The following INSYN2B variants were observed in gnomAD, a reference collection of about 807,000 sequenced individuals.
INSYN2B encodes the protein protein INSYN2B.
In INSYN2B, 16 loss-of-function variants were observed where a neutral mutation model predicts 41.2. The ratio of observed to expected loss-of-function variants is 0.39; its 90% CI spans 0.26 to 0.59. INSYN2B has a LOEUF of 0.59. INSYN2B is among the 20% of genes least tolerant of loss of function. The pLI, the probability that INSYN2B is intolerant of heterozygous loss-of-function variation, is 0.57. For synonymous variants in INSYN2B, 245 were observed against 244.4 expected (o/e 1.00, Z -0.02); for missense variants, 608 against 646.4 (o/e 0.94, Z 0.64).
chr5:169,902,063 A>G (rs570574015), intron 1 of INSYN2B, among the ~76,000 whole-genome samples: 8 of 152,216 alleles, frequency 5.3e-5, no homozygotes, highest in Non-Finnish European at 1.2e-4. Context: ...CTGTGTGCCA[A>G]GGAAACCACA....
intron 1 of INSYN2B, among the ~76,000 whole-genome samples, chr5:169,962,347 C>A (rs1777124244): frequency 6.6e-6 from 1 of 151,998 alleles, no homozygotes; most frequent in Non-Finnish European, 1.5e-5. Context: ...TTGGATATGG[C>A]CAGTCAGAAA....
In INSYN2B at chr5:169,977,015, C is replaced by T. The variant is rs567463459; in HGVS notation, c.-919+3262G>A. On this transcript the variant is annotated intron_variant, in intron 1 of 3. Coordinates refer to ENST00000377365, the MANE Select transcript of INSYN2B (RefSeq NM_001129891.3). ...TGCACAGCAGGATGTCCTGGGTAAC[C>T]AAAGAATGTCACTGCACGCAAAGAC... Among the ~76,000 whole-genome samples, 4 of 152,284 alleles carry T rather than the reference C, an allele frequency of 2.6e-5. No individual in the cohort carries two copies. In the South Asian group the frequency reaches 8.3e-4, roughly 32 times the overall value.
At chr5:169,902,662 G>T (rs1773994397) in intron 1 of INSYN2B, among the ~76,000 whole-genome samples, 1 of 152,206 alleles carries the variant, frequency 6.6e-6, no homozygotes, top group Non-Finnish European at 1.5e-5. Context: ...GTTCCACAGA[G>T]AGGGAAGCCT....
chr5:169,914,063 A>G (rs1306274341), intron 1 of INSYN2B, among the ~76,000 whole-genome samples: 1 of 152,212 alleles, frequency 6.6e-6, no homozygotes, highest in Non-Finnish European at 1.5e-5. Flanking sequence ...TTTCAAATGA[A>G]GCTTTTGACT....
At chr5:169,928,011 C>A (rs911044340) in intron 1 of INSYN2B, among the ~76,000 whole-genome samples, 2 of 152,122 alleles carry the variant, frequency 1.3e-5, no homozygotes, top group African/African-American at 4.8e-5. Context: ...CTCACAGATC[C>A]ATGTGTGTGT....
At chr5:169,912,719 GC>G (rs1347155939) in intron 1 of INSYN2B, among the ~76,000 whole-genome samples, 2 of 152,066 alleles carry the variant, frequency 1.3e-5, no homozygotes, top group Non-Finnish European at 2.9e-5. Context: ...GAGTGGTCCA[GC>G]TTATTGTCCA....
chr5:169,890,489 A>G (rs1428317639), intron 1 of INSYN2B, among the ~76,000 whole-genome samples: 3 of 152,150 alleles, frequency 2.0e-5, no homozygotes, highest in East Asian at 3.9e-4. Flanking sequence ...TATCTTTCCA[A>G]TTTGAAATTT....
intron 1 of INSYN2B, among the ~76,000 whole-genome samples, chr5:169,926,753 T>A (rs888712): frequency 0.51 from 78,199 of 152,094 alleles, 20,656 homozygotes; most frequent in African/African-American, 0.65. Context: ...GAGGTGAAGT[T>A]TGGCTGGATG....
chr5:169,881,320 C>T (rs781739748), intron 3 of INSYN2B, 48 bp downstream of exon 3: 7 of 1,471,730 alleles, frequency 4.8e-6, no homozygotes, highest in East Asian at 2.5e-5. Flanking sequence ...TTCAGCGGAC[C>T]CTATGGCTTT....
chr5:169,897,194 C>CT (rs374567890), intron 1 of INSYN2B, among the ~76,000 whole-genome samples: 38 of 151,192 alleles, frequency 2.5e-4, no homozygotes, highest in African/African-American at 8.2e-4. Context: ...AATGTGAGCT[C>CT]TTTTTTTTTG....
intron 3 of INSYN2B, chr5:169,875,430 T>A (rs183717176): frequency 1.3e-5 from 5 of 392,600 alleles, no homozygotes; most frequent in Non-Finnish European, 2.5e-5. Context: ...TGGAACTCAG[T>A]GACAATCGAA....
At chr5:169,913,375 A>C (rs10516069) in intron 1 of INSYN2B, among the ~76,000 whole-genome samples, 1 of 151,994 alleles carries the variant, frequency 6.6e-6, no homozygotes, top group Admixed American at 6.6e-5. Flanking sequence ...GCTCCCTAGA[A>C]CCTGTTTATA....
At chr5:169,887,594 T>C (rs530852064) in intron 1 of INSYN2B, among the ~76,000 whole-genome samples, 3 of 152,372 alleles carry the variant, frequency 2.0e-5, no homozygotes. Flanking sequence ...CATGAATTTG[T>C]CTAGTTATAC....
At position 169,862,164 on chromosome 5, in the gene INSYN2B, C is replaced by A. The variant is rs996713195; in HGVS notation, c.*2109G>T. ...GTCACTCAGCTCACATAATGTGGAA[C>A]GTGCTAAGAGTTTATAAAGTAGGAA... On this transcript the variant is annotated 3_prime_UTR_variant, in exon 4 of 4. Transcript: ENST00000377365. Among the ~76,000 whole-genome samples, 1 of 152,142 alleles carries A rather than the reference C, an allele frequency of 6.6e-6. No homozygotes were observed. Among genetic ancestry groups the A allele is most frequent in the Non-Finnish European group, 1.5e-5 (1 of 68,032 alleles).
chr5:169,936,652 C>T (rs1356209848), intron 1 of INSYN2B, among the ~76,000 whole-genome samples: 1 of 147,100 alleles, frequency 6.8e-6, no homozygotes, highest in Non-Finnish European at 1.5e-5. Flanking sequence ...GGCTACTGAT[C>T]CATTACAGAA....
intron 1 of INSYN2B, among the ~76,000 whole-genome samples, chr5:169,935,345 A>G (rs1026861723): frequency 1.3e-5 from 2 of 151,894 alleles, no homozygotes; most frequent in Non-Finnish European, 2.9e-5. Context: ...ACTGAATCTC[A>G]CTTGCGCCCT....
At chr5:169,958,284 G>T (rs1003811344) in intron 1 of INSYN2B, among the ~76,000 whole-genome samples, 2 of 152,036 alleles carry the variant, frequency 1.3e-5, no homozygotes, top group Non-Finnish European at 2.9e-5. Context: ...TTAATAAGAA[G>T]CTTATGAATC....
At chr5:169,964,018 AG>A (rs1323130321) in intron 1 of INSYN2B, among the ~76,000 whole-genome samples, 1 of 152,108 alleles carries the variant, frequency 6.6e-6, no homozygotes, top group Non-Finnish European at 1.5e-5. Flanking sequence ...TGGAAGTGGC[AG>A]GATTGGGGGA....
At chr5:169,907,760 G>T (rs966668768) in intron 1 of INSYN2B, among the ~76,000 whole-genome samples, 2 of 152,118 alleles carry the variant, frequency 1.3e-5, no homozygotes, top group Non-Finnish European at 2.9e-5. Flanking sequence ...GGGTGACTTT[G>T]CCCCCACTCT....
Sources: gnomAD v4.1 joint callset for allele counts (sites outside exome capture counted in the v4.1 genomes callset) on GRCh38, gnomAD v4.1.1 for gene constraint, MANE v1.5 for transcripts, NCBI Gene and HGNC (gene_info 2026-07-23, HGNC 2026-07-21) for gene names.